PDS5A: variants seen among roughly 807,000 people sequenced by gnomAD.
PDS5A encodes the protein PDS5 cohesin associated factor A, also known as sister chromatid cohesion protein PDS5 homolog A.
PDS5A carries 42 observed loss-of-function variants against 167.1 expected under a neutral mutation model. The observed-to-expected ratio is 0.25, with a 90% CI of 0.20 to 0.33. The LOEUF (loss-of-function observed/expected upper bound fraction) is 0.33, where lower values mean the gene tolerates loss of function less well. Among genes scored for constraint, PDS5A ranks in the 10% least tolerant of loss-of-function variants. The probability of loss-of-function intolerance (pLI) is 1.00; values close to 1 mark genes in which losing one functional copy is unlikely to be tolerated. For synonymous variants in PDS5A, 553 were observed against 554.6 expected (o/e 1.00, Z 0.04); for missense variants, 1,033 against 1,605.9 (o/e 0.64, Z 6.10).
intron 14 of PDS5A, 80 bp downstream of exon 14, chr4:39,900,346 C>T: frequency 3.7e-6 from 3 of 808,694 alleles, no homozygotes; most frequent in Admixed American, 2.3e-5. Context: ...ATACTTTTTC[C>T]CTGCTTCATT....
At chr4:39,832,788 T>C (rs1716024597) in intron 32 of PDS5A, among the ~76,000 whole-genome samples, 1 of 151,824 alleles carries the variant, frequency 6.6e-6, no homozygotes, top group African/African-American at 2.4e-5. Flanking sequence ...CTCAGTGCTC[T>C]CATAGAACAA....
intron 7 of PDS5A, among the ~76,000 whole-genome samples, chr4:39,918,452 G>C (rs185205631): frequency 3.9e-4 from 60 of 152,198 alleles, no homozygotes; most frequent in Non-Finnish European, 5.4e-4. Context: ...CACACATGCA[G>C]AAGAATTAAA....
chr4:39,844,678 G>T lies in PDS5A; in HGVS notation c.3526C>A (p.Pro1176Thr). 1 of 1,608,536 alleles carries T rather than the reference G, an allele frequency of 6.2e-7. No individual in the cohort carries two copies. Among genetic ancestry groups the T allele is most frequent in the Non-Finnish European group, 8.5e-7 (1 of 1,178,470 alleles). The change falls in exon 30 of 33, where the codon CCT becomes ACT. Residue 1176 changes from proline (P) to threonine (T), a missense_variant. By Grantham distance (38) the Pro-to-Thr change is conservative. Around this residue, in one of 4 missense-constraint regions of PDS5A, gnomAD observed 233 missense variants for 264.0 expected, o/e 0.88. Transcript: ENST00000303538. ...SNINVNSELN[P>T]STGNRSREQS... ...TGCCTTGATCGATTTCCGGTTGAAG[G>T]GTTCAGCTCTGAATTTACATTAATA...
chr4:39,916,338 A>C (rs754275557), intron 8 of PDS5A, among the ~76,000 whole-genome samples: 1 of 152,214 alleles, frequency 6.6e-6, no homozygotes, highest in Non-Finnish European at 1.5e-5. Flanking sequence ...TAGATATACT[A>C]TTTTTAGGAC....
intron 21 of PDS5A, among the ~76,000 whole-genome samples, chr4:39,870,676 G>A (rs1719949722): frequency 6.6e-6 from 1 of 152,038 alleles, no homozygotes; most frequent in African/African-American, 2.4e-5. Context: ...TATACAGGTA[G>A]TCAATAAGCA....
At chr4:39,853,743 T>A (rs945243157) in intron 26 of PDS5A, among the ~76,000 whole-genome samples, 2 of 152,222 alleles carry the variant, frequency 1.3e-5, no homozygotes, top group Non-Finnish European at 1.5e-5. Context: ...TACTTTCTAT[T>A]GCCTTCTTCC....
intron 7 of PDS5A, among the ~76,000 whole-genome samples, chr4:39,917,973 T>C (rs966284737): frequency 5.9e-5 from 9 of 151,720 alleles, no homozygotes; most frequent in Middle Eastern, 3.4e-3. Context: ...AGCCCAGGAG[T>C]TGGAGACCAG....
chr4:39,920,537 AC>A, intron 6 of PDS5A, 138 bp from the exon 7 acceptor site: 1 of 443,300 alleles, frequency 2.3e-6, no homozygotes, highest in Non-Finnish European at 4.1e-6. Context: ...AATAAAAATA[AC>A]TGAGTTCTCT....
In PDS5A at chr4:39,863,389, A is replaced by G; in HGVS notation, c.2713T>C (p.Tyr905His). 1 of 1,610,370 alleles carries G rather than the reference A, an allele frequency of 6.2e-7. No individual in the cohort carries two copies. The highest frequency in any genetic ancestry group is 8.5e-7 in the Non-Finnish European group (1 of 1,177,110). ...TGTTCTGGGGTAATAATTTCATGGTAACAAGGTTCCTGAGCAAGCTTCATT... is the reference window on the plus strand; with the variant it reads ...TGTTCTGGGGTAATAATTTCATGGTGACAAGGTTCCTGAGCAAGCTTCATT... Reference protein sequence around the residue: ...AIMKLAQEPCYHEIITPEQFQ... With the variant: ...AIMKLAQEPCHHEIITPEQFQ... The change falls in exon 24 of 33, where the codon TAC becomes CAC. Residue 905 changes from tyrosine to histidine, a missense_variant. Physicochemically the swap from Tyr to His is moderately conservative, Grantham distance 83. Around this residue, in one of 4 missense-constraint regions of PDS5A, gnomAD observed 367 missense variants for 686.7 expected, o/e 0.53. Transcript: ENST00000303538.
chr4:39,839,559 A>G (rs1716757396), intron 31 of PDS5A, among the ~76,000 whole-genome samples: 1 of 151,886 alleles, frequency 6.6e-6, no homozygotes, highest in Non-Finnish European at 1.5e-5. Context: ...ACAGAGAAAG[A>G]CTCCATCTCA....
intron 17 of PDS5A, among the ~76,000 whole-genome samples, chr4:39,883,775 C>T (rs1023126074): frequency 1.3e-5 from 2 of 151,908 alleles, no homozygotes; most frequent in African/African-American, 4.8e-5. Context: ...GGACCACAGG[C>T]GCATGCCATG....
At chr4:39,954,518 A>G (rs1728726844) in intron 2 of PDS5A, among the ~76,000 whole-genome samples, 1 of 151,822 alleles carries the variant, frequency 6.6e-6, no homozygotes, top group Non-Finnish European at 1.5e-5. Context: ...GTGGGGTTTC[A>G]CCATGATGGC....
At chr4:39,953,423 T>C (rs1018334219) in intron 2 of PDS5A, among the ~76,000 whole-genome samples, 1 of 69,322 alleles carries the variant, frequency 1.4e-5, no homozygotes, top group Non-Finnish European at 3.7e-5. Flanking sequence ...GAAGAATCAG[T>C]TTTTTTTTTT....
intron 19 of PDS5A, among the ~76,000 whole-genome samples, chr4:39,874,999 T>C (rs992528708): frequency 2.0e-5 from 3 of 152,206 alleles, no homozygotes; most frequent in Non-Finnish European, 4.4e-5. Context: ...AAGACTATCA[T>C]AGTCATTACA....
intron 2 of PDS5A, among the ~76,000 whole-genome samples, chr4:39,945,093 G>C (rs567830954): frequency 6.6e-6 from 1 of 152,112 alleles, no homozygotes; most frequent in Non-Finnish European, 1.5e-5. Context: ...ATATCTATGA[G>C]AAGCATTATT....
At chr4:39,883,274 AG>A (rs1235718304) in intron 17 of PDS5A, among the ~76,000 whole-genome samples, 1 of 151,974 alleles carries the variant, frequency 6.6e-6, no homozygotes, top group African/African-American at 2.4e-5. Context: ...TCCGCCTCCC[AG>A]GTTCAAGTGA....
chr4:39,904,590 C>T (rs920697096), intron 11 of PDS5A, among the ~76,000 whole-genome samples: 1 of 152,236 alleles, frequency 6.6e-6, no homozygotes, highest in Non-Finnish European at 1.5e-5. Flanking sequence ...CCTCGGCCCC[C>T]CAAAGTGCTG....
At chr4:39,923,779 A>T (rs906157472) in intron 5 of PDS5A, among the ~76,000 whole-genome samples, 2 of 152,072 alleles carry the variant, frequency 1.3e-5, no homozygotes, top group Non-Finnish European at 2.9e-5. Context: ...AAAGGCAGAC[A>T]TTTTTTTCAA....
At chr4:39,871,001 A>G (rs969130001) in intron 21 of PDS5A, among the ~76,000 whole-genome samples, 2 of 152,222 alleles carry the variant, frequency 1.3e-5, no homozygotes, top group Non-Finnish European at 2.9e-5. Flanking sequence ...AAGGAACAAC[A>G]TTCTGATACA....
Sources: allele counts gnomAD v4.1 joint callset (sites outside exome capture counted in the v4.1 genomes callset), GRCh38; gene constraint gnomAD v4.1.1; regional missense constraint gnomAD v4.1.1; transcripts MANE v1.5; gene names NCBI Gene and HGNC (gene_info 2026-07-23, HGNC 2026-07-21).